Variants in CTBS observed in about 807,000 individuals in gnomAD.
The protein encoded by CTBS is di-N-acetylchitobiase.
In CTBS, 35 loss-of-function variants were observed where a neutral mutation model predicts 44.3. That is an observed-to-expected ratio of 0.79 (90% CI 0.60 to 1.05). CTBS has a LOEUF of 1.05. Ranked by LOEUF, CTBS falls within the 50% of genes least tolerant of loss-of-function variation. The pLI, the probability that CTBS is intolerant of heterozygous loss-of-function variation, is 0.00. For synonymous variants in CTBS, 143 were observed against 168.0 expected (o/e 0.85, Z 1.15); for missense variants, 458 against 475.3 (o/e 0.96, Z 0.34).
intron 6 of CTBS, among the ~76,000 whole-genome samples, chr1:84,556,227 A>G (rs1374340169): frequency 1.3e-5 from 2 of 152,188 alleles, no homozygotes; most frequent in Non-Finnish European, 2.9e-5. Flanking sequence ...ACAAAGGAAA[A>G]GGGAAAGGAG....
At position 84,574,348 on chromosome 1, in the gene CTBS, G is replaced by A. The variant is rs1414464189; in HGVS notation, c.68C>T (p.Ala23Val). ...CAGCAGCGCCAGCAGCGCCAGCAGC[G>A]CTAGACCCGGGACGCCGCTCGGCGG... is the stretch of plus-strand genomic sequence containing the variant. ...SSPPSGVPGL[A>V]LLALLALLAL... The change falls in exon 1 of 7, where the codon GCG becomes GTG. Residue 23 changes from alanine to valine, a missense_variant. Ala to Val is a moderately conservative substitution (Grantham distance 64). Transcript: ENST00000370630. The A allele has an allele frequency of 8.9e-6, 12 of 1,351,296 alleles. No homozygotes were observed. The highest frequency in any genetic ancestry group is 2.0e-5 in the Admixed American group (1 of 49,684). The allele number at this position is 1,351,296 out of a possible 1,614,324, so 83.7% of individuals were successfully genotyped here. A position where few individuals can be genotyped will look rare whatever the true frequency, so the allele number is the denominator to read the frequency against.
In CTBS at chr1:84,553,481, T is replaced by C. The variant is rs1377425365; in HGVS notation, c.*1518A>G. ...ATAAATGTATATTAATGAATACTAA[T>C]ATATTTGCATGAAAATACAGACTTC... On this transcript the variant is annotated 3_prime_UTR_variant, in exon 7 of 7. Transcript: ENST00000370630. 1 of 152,318 alleles carries C rather than the reference T, an allele frequency of 6.6e-6. No homozygotes were observed. The highest frequency in any genetic ancestry group is 2.4e-5 in the African/African-American group (1 of 41,452). The allele number at this position is 152,318 out of a possible 1,614,324, so 9.4% of individuals were successfully genotyped here.
chr1:84,563,929 A>G, intron 4 of CTBS, 97 bp from the exon 5 acceptor site: 1 of 1,346,400 alleles, frequency 7.4e-7, no homozygotes, highest in Non-Finnish European at 9.7e-7. Flanking sequence ...TTGTAAAAAC[A>G]AGTACATTTA....
chr1:84,574,031 C>A, intron 1 of CTBS: 2 of 1,418,252 alleles, frequency 1.4e-6, no homozygotes, highest in Non-Finnish European at 1.8e-6. Context: ...CAGGCACTTA[C>A]AGGCTGTGAG....
chr1:84,568,974 A>G (rs1647213625), intron 3 of CTBS, among the ~76,000 whole-genome samples: 1 of 152,184 alleles, frequency 6.6e-6, no homozygotes, highest in Non-Finnish European at 1.5e-5. Flanking sequence ...TAAATTACCC[A>G]GTCTCAGGTA....
At position 84,552,848 on chromosome 1, in the gene CTBS, C is replaced by A; in HGVS notation, c.*2151G>T. 13 of 509,874 alleles carry A rather than the reference C, an allele frequency of 2.5e-5. No homozygotes were observed. The South Asian group carries it at 3.4e-4, about 13-fold the overall frequency. 31.6% of individuals were successfully genotyped at this position (509,874 alleles called of 1,614,324 possible). On this transcript the variant is annotated 3_prime_UTR_variant, in exon 7 of 7. Transcript: ENST00000370630. ...ATAGCATATCTCACCAGTAGATAAG[C>A]ATGCTTATTAAACAGCATTCATAAT...
Position 84,570,154 on chromosome 1 carries a change from T to C in CTBS, c.317-15A>G, listed in dbSNP as rs1264217697. On this transcript the variant is annotated splice_polypyrimidine_tract_variant and intron_variant, in intron 2 of 6. Coordinates refer to ENST00000370630, the MANE Select transcript of CTBS (RefSeq NM_004388.3). ...GGATACATCTCCTGTGGAAGAAGTA[T>C]ATATCTTTTGAACATGTATGCAAAA... 1 of 1,598,546 alleles carries C rather than the reference T, an allele frequency of 6.3e-7. No individual in the cohort carries two copies. The highest frequency in any genetic ancestry group is 1.1e-5 in the South Asian group (1 of 88,872).
At chr1:84,570,447 AG>A in intron 2 of CTBS, 134 bp downstream of exon 2, 1 of 747,566 alleles carries the variant, frequency 1.3e-6, no homozygotes, top group Non-Finnish European at 2.2e-6. Context: ...TGAATTACAC[AG>A]TATCTAAGAT....
chr1:84,572,240 T>G (rs936649676), intron 1 of CTBS, among the ~76,000 whole-genome samples: 1 of 152,188 alleles, frequency 6.6e-6, no homozygotes, highest in Non-Finnish European at 1.5e-5. Context: ...TTTTTTTAAC[T>G]TTTCAGAATT....
In CTBS at chr1:84,555,144, A is replaced by G. The variant is rs765136882; in HGVS notation, c.1013T>C (p.Leu338Ser). 6.2e-7 allele frequency: 1 copy of G among 1,614,018 alleles called. No homozygotes were observed. Among genetic ancestry groups the G allele is most frequent in the Non-Finnish European group, 8.5e-7 (1 of 1,179,936 alleles). The change falls in exon 7 of 7, where the codon TTA becomes TCA. Residue 338 changes from leucine (L) to serine (S), a missense_variant. By Grantham distance (145) the Leu-to-Ser change is moderately radical. Coordinates refer to ENST00000370630, the MANE Select transcript of CTBS (RefSeq NM_004388.3). ...VWYDNPQSISLKATYIQNYRL... is the reference protein window; with the variant it reads ...VWYDNPQSISSKATYIQNYRL... ...ATAGTTTTGTATATATGTTGCCTTTAAAGAAATACTCTGAGGGTTATCATA... is the reference window on the plus strand; with the variant it reads ...ATAGTTTTGTATATATGTTGCCTTTGAAGAAATACTCTGAGGGTTATCATA...
intron 6 of CTBS, among the ~76,000 whole-genome samples, chr1:84,562,039 T>C (rs1684605657): frequency 6.6e-6 from 1 of 152,214 alleles, no homozygotes; most frequent in African/African-American, 2.4e-5. Context: ...TAACAAACCA[T>C]ATCCATGAAA....
Position 84,563,754 on chromosome 1 carries a change from G to T in CTBS, c.776C>A (p.Thr259Asn). Reference protein sequence around the residue: ...MGVPWYGYDYTCLNLSEDHVC... With the variant: ...MGVPWYGYDYNCLNLSEDHVC... ...TCCTACCTCAGACAGATTCAGGCAG[G>T]TATAATCATAACCATACCAAGGAAC... Residue 259 changes from threonine (T) to asparagine (N), a missense_variant, in exon 5 of 7, where the codon ACC becomes AAC. Thr to Asn is a moderately conservative substitution (Grantham distance 65, BLOSUM62 0). Transcript: ENST00000370630. 1 of 1,600,860 alleles carries T rather than the reference G, an allele frequency of 6.2e-7. No individual in the cohort carries two copies. Among genetic ancestry groups the T allele is most frequent in the Non-Finnish European group, 8.5e-7 (1 of 1,172,284 alleles).
At position 84,570,009 on chromosome 1, in the gene CTBS, T is replaced by C. The variant is rs12076236; in HGVS notation, c.447A>G (p.Leu149=). 3.1e-3 allele frequency: 5,037 copies of C among 1,613,600 alleles called. 162 individuals carry two copies. The African/African-American group carries it at 0.059, about 19-fold the overall frequency. The change falls in exon 3 of 7, where the codon TTA becomes TTG. Residue 149 remains leucine (L), a synonymous_variant. Coordinates refer to ENST00000370630, the MANE Select transcript of CTBS (RefSeq NM_004388.3). Reference sequence around the variant, plus strand: ...CAGTTAATGCATCATATTCAGGTGATAAACAATTAACTTCTTGCTCTATAT... The same window carrying C: ...CAGTTAATGCATCATATTCAGGTGACAAACAATTAACTTCTTGCTCTATAT... ...NIDIEQEVNC[L]SPEYDALTAL...
At chr1:84,558,358 C>T (rs944445038) in intron 6 of CTBS, among the ~76,000 whole-genome samples, 2 of 150,268 alleles carry the variant, frequency 1.3e-5, no homozygotes, top group Non-Finnish European at 3.0e-5. Context: ...GGCGGGATCT[C>T]GGCTCACTGC....
At chr1:84,566,881 G>C (rs763288567) in intron 3 of CTBS, among the ~76,000 whole-genome samples, 3 of 152,008 alleles carry the variant, frequency 2.0e-5, no homozygotes, top group Non-Finnish European at 4.4e-5. Context: ...CTGATCTGCC[G>C]ATCTCAGCCT....
Position 84,554,832 on chromosome 1 carries a change from A to C in CTBS, c.*167T>G. 1 of 575,272 alleles carries C rather than the reference A, an allele frequency of 1.7e-6. No homozygotes were observed. The highest frequency in any genetic ancestry group is 3.0e-6 in the Non-Finnish European group (1 of 333,718). The allele number at this position is 575,272 out of a possible 1,614,324, so 35.6% of individuals were successfully genotyped here. A position where few individuals can be genotyped will look rare whatever the true frequency, so the allele number is the denominator to read the frequency against. On this transcript the variant is annotated 3_prime_UTR_variant, in exon 7 of 7. Coordinates refer to ENST00000370630, the MANE Select transcript of CTBS (RefSeq NM_004388.3). ...CTTGCCTTTATGTTCCTGGATACTG[A>C]GGACATTCGTGTGTATTTTTCAAAT...
At chr1:84,568,400 C>T (rs1684736692) in intron 3 of CTBS, among the ~76,000 whole-genome samples, 1 of 152,202 alleles carries the variant, frequency 6.6e-6, no homozygotes, top group Non-Finnish European at 1.5e-5. Flanking sequence ...ACATTGTACT[C>T]TCCTGACAAG....
rs767075612 is a variant in CTBS at position 84,563,237 on chromosome 1, T to C, written c.957+20A>G. 23 of 1,425,744 alleles carry C rather than the reference T, an allele frequency of 1.6e-5. No homozygotes were observed. The highest frequency in any genetic ancestry group is 2.1e-5 in the Non-Finnish European group (23 of 1,073,810). 88.3% of individuals were successfully genotyped at this position (1,425,744 alleles called of 1,614,324 possible). On this transcript the variant is annotated intron_variant, in intron 6 of 6. Transcript: ENST00000370630. ...CAAAAACTAATAGAATAAATGCTCA[T>C]AACTTACGAAAAGTCTTACTTTATA...
Position 84,569,960 on chromosome 1 carries a change from A to G in CTBS, c.496T>C (p.Ser166Pro), listed in dbSNP as rs775746890. Residue 166 changes from serine (S) to proline (P), a missense_variant, in exon 3 of 7, where the codon TCT (serine) becomes CCT (proline). Coordinates refer to ENST00000370630, the MANE Select transcript of CTBS (RefSeq NM_004388.3). ...LTALVKETTDSFHREIEGSQV... is the reference protein window; with the variant it reads ...LTALVKETTDPFHREIEGSQV... Reference sequence around the variant, plus strand: ...GATCCCTCAATTTCACGATGGAAAGAGTCTGTAGTTTCTTTGACTAAAGCA... The same window carrying G: ...GATCCCTCAATTTCACGATGGAAAGGGTCTGTAGTTTCTTTGACTAAAGCA... 2.5e-6 allele frequency: 4 copies of G among 1,611,262 alleles called. No individual in the cohort carries two copies. The highest frequency in any genetic ancestry group is 2.5e-6 in the Non-Finnish European group (3 of 1,179,450).
Sources: allele counts gnomAD v4.1 joint callset (sites outside exome capture counted in the v4.1 genomes callset), GRCh38; gene constraint gnomAD v4.1.1; transcripts MANE v1.5; gene names NCBI Gene and HGNC (gene_info 2026-07-23, HGNC 2026-07-21).